The following TNN variants were observed in gnomAD, a reference collection of about 807,000 sequenced individuals.
TNN encodes the protein tenascin N.
In TNN, 122 loss-of-function variants were observed where a neutral mutation model predicts 134.4. That is an observed-to-expected ratio of 0.91 (90% CI 0.78 to 1.06). The LOEUF is 1.06. Among genes scored for constraint, TNN ranks in the 50% least tolerant of loss-of-function variants. The pLI is 0.00. For missense variants in TNN, 1,739 were observed against 1,699.4 expected (o/e 1.02, Z -0.41); for synonymous variants, 710 against 670.3 (o/e 1.06, Z -0.91).
intron 14 of TNN, 69 bp downstream of exon 14, chr1:175,128,233 G>C: frequency 7.1e-7 from 1 of 1,406,816 alleles, no homozygotes; most frequent in South Asian, 1.4e-5. Context: ...TAGCAAAGGA[G>C]TCCAGGGAGG....
chr1:175,075,048 T>G (rs1299283061), intron 1 of TNN, among the ~76,000 whole-genome samples: 1 of 152,250 alleles, frequency 6.6e-6, no homozygotes, highest in Non-Finnish European at 1.5e-5. Flanking sequence ...CGAGGAATAA[T>G]GCACCCAGCC....
At chr1:175,109,638 G>A (rs988814128) in intron 9 of TNN, among the ~76,000 whole-genome samples, 14 of 149,442 alleles carry the variant, frequency 9.4e-5, no homozygotes, top group Non-Finnish European at 1.5e-4. Context: ...TGGCTGAATG[G>A]TATTCTGTTG....
In TNN at chr1:175,077,735, A is replaced by T; in HGVS notation, c.317A>T (p.Gln106Leu). ...GACTGCGAGTTGGCAGGCAGTGTCC[A>T]GGACCTCCTGGCCCGGGTGAAGAAG... ...QKDCELAGSV[Q>L]DLLARVKKLE... Residue 106 changes from glutamine to leucine, a missense_variant, in exon 2 of 19, where the codon CAG becomes CTG. Gln to Leu is a moderately radical substitution (Grantham distance 113, BLOSUM62 -2). Coordinates refer to ENST00000239462, the MANE Select transcript of TNN (RefSeq NM_022093.2). 2 of 1,614,240 alleles carry T rather than the reference A, an allele frequency of 1.2e-6. No homozygotes were observed. The highest frequency in any genetic ancestry group is 1.7e-6 in the Non-Finnish European group (2 of 1,180,024).
intron 17 of TNN, among the ~76,000 whole-genome samples, chr1:175,140,058 G>A (rs1195069095): frequency 6.6e-6 from 1 of 152,216 alleles, no homozygotes; most frequent in African/African-American, 2.4e-5. Context: ...GCTATTTTGT[G>A]TGACTAAGCA....
At position 175,127,021 on chromosome 1, in the gene TNN, C is replaced by T. The variant is rs147363762; in HGVS notation, c.2981C>T (p.Thr994Met). 238 of 1,614,002 alleles carry T rather than the reference C, an allele frequency of 1.5e-4. No individual in the cohort carries two copies. The highest frequency in any genetic ancestry group is 7.1e-4 in the African/African-American group (53 of 74,922). ...CAGTCTGGTGGCATATTGACCTGGA[C>T]GCCCCCCTCTGCTCAGATCCACGGC... ...VTQSGGILTW[T>M]PPSAQIHGYI... Residue 994 changes from threonine (T) to methionine (M), a missense_variant, in exon 13 of 19, where the codon ACG (threonine) becomes ATG (methionine). Thr to Met is a moderately conservative substitution (Grantham distance 81, BLOSUM62 -1). Coordinates refer to ENST00000239462, the MANE Select transcript of TNN (RefSeq NM_022093.2).
intron 1 of TNN, among the ~76,000 whole-genome samples, chr1:175,070,646 C>A (rs542044897): frequency 6.6e-6 from 1 of 152,290 alleles, no homozygotes; most frequent in Non-Finnish European, 1.5e-5. Context: ...ATCCTATATT[C>A]AACATCACAG....
At chr1:175,123,774 A>G (rs1445738109) in intron 12 of TNN, 111 bp downstream of exon 12, 5 of 1,507,774 alleles carry the variant, frequency 3.3e-6, no homozygotes, top group Non-Finnish European at 4.5e-6. Flanking sequence ...ACCCGAGGAC[A>G]TTCTTCAAAG....
chr1:175,116,346 C>G (rs1000136101), intron 9 of TNN, among the ~76,000 whole-genome samples: 3 of 152,030 alleles, frequency 2.0e-5, no homozygotes, highest in African/African-American at 4.8e-5. Context: ...TTTTCAAAGC[C>G]CCTTTGCTAC....
chr1:175,113,306 A>C (rs1361095763), intron 9 of TNN, among the ~76,000 whole-genome samples: 1 of 152,134 alleles, frequency 6.6e-6, no homozygotes, highest in Admixed American at 6.5e-5. Flanking sequence ...TCATTTCTGA[A>C]GAATAGACTT....
At chr1:175,108,696 C>T (rs1276050855) in intron 9 of TNN, among the ~76,000 whole-genome samples, 2 of 152,236 alleles carry the variant, frequency 1.3e-5, no homozygotes, top group Non-Finnish European at 2.9e-5. Context: ...CAGCTGCTGG[C>T]CCGGGTGCTA....
chr1:175,144,342 G>A (rs536673477), intron 17 of TNN, 45 bp from the exon 18 acceptor site: 12 of 1,585,762 alleles, frequency 7.6e-6, no homozygotes, highest in Admixed American at 1.7e-5. Flanking sequence ...TCATCTCCTC[G>A]GTGGCTAACC....
intron 9 of TNN, among the ~76,000 whole-genome samples, chr1:175,100,238 G>T (rs1455140429): frequency 6.6e-6 from 1 of 152,192 alleles, no homozygotes; most frequent in African/African-American, 2.4e-5. Context: ...GGTCTATCTT[G>T]TGCATTGTAA....
chr1:175,140,964 T>C (rs1404545703), intron 17 of TNN, among the ~76,000 whole-genome samples: 1 of 152,202 alleles, frequency 6.6e-6, no homozygotes, highest in Non-Finnish European at 1.5e-5. Context: ...GATACCTCCC[T>C]GCACGCACCA....
At chr1:175,075,555 C>CAAAGTGTTGGGA (rs1674020756) in intron 1 of TNN, among the ~76,000 whole-genome samples, 1 of 152,188 alleles carries the variant, frequency 6.6e-6, no homozygotes, top group South Asian at 2.1e-4. Context: ...CATGGCCTCC[C>CAAAGTGTTGGGA]AAAGTGTTGG....
intron 15 of TNN, among the ~76,000 whole-genome samples, chr1:175,131,917 TACAC>T (rs3028571): frequency 0.013 from 1,725 of 136,396 alleles, 10 homozygotes; most frequent in South Asian, 0.015. Context: ...GAAGTATTAT[TACAC>T]ACACACACAC....
At chr1:175,079,224 T>G in intron 2 of TNN, 109 bp from the exon 3 acceptor site, 1 of 1,090,816 alleles carries the variant, frequency 9.2e-7, no homozygotes. Flanking sequence ...CACCAGACCC[T>G]TAAGAGTGGG....
At position 175,077,842 on chromosome 1, in the gene TNN, TG is replaced by T. The variant is rs749462872; in HGVS notation, c.409+17del. On this transcript the variant is annotated intron_variant, in intron 2 of 18. Transcript: ENST00000239462. ...GGGAGTCACTGGTGAGCTCACCACC[TG>T]GTATTCATTCAACAAACATTTGATG... 1 of 1,600,272 alleles carries T rather than the reference TG, an allele frequency of 6.2e-7. No homozygotes were observed. The highest frequency in any genetic ancestry group is 8.5e-7 in the Non-Finnish European group (1 of 1,169,720).
Position 175,117,054 on chromosome 1 carries a change from C to T in TNN, c.2235C>T (p.Ala745=), listed in dbSNP as rs140245553. 5 of 1,614,110 alleles carry T rather than the reference C, an allele frequency of 3.1e-6. No individual in the cohort carries two copies. The highest frequency in any genetic ancestry group is 3.4e-6 in the Non-Finnish European group (4 of 1,180,050). The change falls in exon 10 of 19, where the codon GCC becomes GCT. Residue 745 remains alanine (A), a synonymous_variant. Coordinates refer to ENST00000239462, the MANE Select transcript of TNN (RefSeq NM_022093.2). ...GGTATGTGGTGCGCTACACCTCTGC[C>T]AAGGACGGAGAGACCAGGGAGGTTC... ...IDRYVVRYTS[A]KDGETREVPV... is the part of the protein sequence containing the mutation.
At position 175,126,903 on chromosome 1, in the gene TNN, C is replaced by T. The variant is rs1230246221; in HGVS notation, c.2915-52C>T. ...TATAAACTGATGTCTCAAAAATTAC[C>T]TTGCCTCAGTTGTATCTTAGTAATA... is the stretch of plus-strand genomic sequence containing the variant. On this transcript the variant is annotated intron_variant, in intron 12 of 18. Coordinates refer to ENST00000239462, the MANE Select transcript of TNN (RefSeq NM_022093.2). 5.2e-6 allele frequency: 8 copies of T among 1,552,278 alleles called. No individual in the cohort carries two copies. The East Asian group carries it at 1.6e-4, about 31-fold the overall frequency.
Sources: allele counts gnomAD v4.1 joint callset (sites outside exome capture counted in the v4.1 genomes callset), GRCh38; gene constraint gnomAD v4.1.1; transcripts MANE v1.5; gene names NCBI Gene and HGNC (gene_info 2026-07-23, HGNC 2026-07-21).